MSRA: variants seen among roughly 807,000 people sequenced by gnomAD.
MSRA encodes methionine sulfoxide reductase A.
MSRA carries 54 observed loss-of-function variants against 31.3 expected under a neutral mutation model. The observed-to-expected ratio is 1.73, with a 90% CI of 1.39 to 2.17. The LOEUF (loss-of-function observed/expected upper bound fraction) is 2.17, where lower values mean the gene tolerates loss of function less well. Ranked by LOEUF, MSRA falls within the 30% of genes most tolerant of loss-of-function variation. The probability of loss-of-function intolerance (pLI) is 0.00; values close to 1 mark genes in which losing one functional copy is unlikely to be tolerated. For missense variants in MSRA, 507 were observed against 300.9 expected (o/e 1.69, Z -5.07); for synonymous variants, 169 against 116.5 (o/e 1.45, Z -2.90).
At chr8:10,393,056 C>T (rs182773975) in intron 5 of MSRA, among the ~76,000 whole-genome samples, 91 of 99,716 alleles carry the variant, frequency 9.1e-4, no homozygotes, top group Non-Finnish European at 1.6e-3. Context: ...AGCGAGACTC[C>T]GTCTCAAAAA....
chr8:10,208,562 T>C (rs1809212026), intron 2 of MSRA, among the ~76,000 whole-genome samples: 1 of 152,140 alleles, frequency 6.6e-6, no homozygotes, highest in African/African-American at 2.4e-5. Context: ...TTTGCCTGCC[T>C]TCTTTTCTCC....
chr8:10,085,646 T>C lies in MSRA; in HGVS notation c.142+30988T>C, dbSNP rs546317821. 4.6e-5 allele frequency among the ~76,000 whole-genome samples: 7 copies of C among 152,182 alleles called. No individual in the cohort carries two copies. In the South Asian group the frequency reaches 1.0e-3, roughly 23 times the overall value. On this transcript the variant is annotated intron_variant, in intron 1 of 5. Transcript: ENST00000317173. ...ATTCACCTCTTCTAAAGTAGTGGAA[T>C]TTGCTTTTTAACAAGTTTGTACAGT... is the stretch of plus-strand genomic sequence containing the variant.
chr8:10,340,148 A>C (rs1428351475), intron 5 of MSRA, among the ~76,000 whole-genome samples: 1 of 152,192 alleles, frequency 6.6e-6, no homozygotes, highest in Non-Finnish European at 1.5e-5. Flanking sequence ...CCACGGAGCC[A>C]CAGCCGCCCA....
intron 5 of MSRA, among the ~76,000 whole-genome samples, chr8:10,407,912 A>G (rs1807917572): frequency 6.6e-6 from 1 of 152,248 alleles, no homozygotes; most frequent in African/African-American, 2.4e-5. Context: ...ATTAAGGATC[A>G]CATCAATCTT....
At chr8:10,055,555 C>G (rs910879272) in intron 1 of MSRA, among the ~76,000 whole-genome samples, 1 of 152,340 alleles carries the variant, frequency 6.6e-6, no homozygotes, top group African/African-American at 2.4e-5. Flanking sequence ...ATCGGAGACT[C>G]TGGGGGTGGA....
intron 1 of MSRA, among the ~76,000 whole-genome samples, chr8:10,149,533 A>C (rs1803477020): frequency 6.6e-6 from 1 of 152,112 alleles, no homozygotes; most frequent in South Asian, 2.1e-4. Flanking sequence ...TTACATCGCC[A>C]CCTCGTGATA....
At chr8:10,083,174 C>G (rs546430791) in intron 1 of MSRA, among the ~76,000 whole-genome samples, 247 of 152,218 alleles carry the variant, frequency 1.6e-3, no homozygotes, top group African/African-American at 5.9e-3. Flanking sequence ...AGCCATATTT[C>G]CAGAGATTTT....
chr8:10,105,895 G>A (rs1412718887), intron 1 of MSRA, among the ~76,000 whole-genome samples: 1 of 152,194 alleles, frequency 6.6e-6, no homozygotes, highest in Non-Finnish European at 1.5e-5. Context: ...ACACACAGAA[G>A]ATATAGAAAC....
At chr8:10,323,097 A>AAG (rs1239206041) in intron 5 of MSRA, among the ~76,000 whole-genome samples, 1 of 151,492 alleles carries the variant, frequency 6.6e-6, no homozygotes, top group African/African-American at 2.4e-5. Context: ...CTCAAAAAAA[A>AAG]AAAAAAAAAA....
At chr8:10,325,294 A>G (rs567704891) in intron 5 of MSRA, among the ~76,000 whole-genome samples, 78 of 152,124 alleles carry the variant, frequency 5.1e-4, no homozygotes, top group Non-Finnish European at 7.6e-4. Context: ...GTGATATAAT[A>G]TGTACTTTTA....
chr8:10,085,749 G>T (rs1217993308), intron 1 of MSRA, among the ~76,000 whole-genome samples: 1 of 152,200 alleles, frequency 6.6e-6, no homozygotes, highest in Non-Finnish European at 1.5e-5. Context: ...TTTGCAGTCA[G>T]TCTGCTCACC....
chr8:10,217,135 T>C (rs1810060649), intron 2 of MSRA, among the ~76,000 whole-genome samples: 1 of 152,240 alleles, frequency 6.6e-6, no homozygotes, highest in South Asian at 2.1e-4. Context: ...TCAGTTTTAC[T>C]TACTGATTCT....
intron 5 of MSRA, among the ~76,000 whole-genome samples, chr8:10,345,794 A>G (rs964086377): frequency 2.2e-4 from 33 of 152,216 alleles, no homozygotes; most frequent in African/African-American, 8.0e-4. Context: ...GCATGAAACT[A>G]AAGGCACTAG....
At chr8:10,067,874 G>GTTTTTTTTTTTTTTTTTT (rs71203303) in intron 1 of MSRA, among the ~76,000 whole-genome samples, 3 of 49,368 alleles carry the variant, frequency 6.1e-5, no homozygotes, top group African/African-American at 1.7e-4. Context: ...TTCTTACTGA[G>GTTTTTTTTTTTTTTTTTT]TTTTTTTTTT....
intron 1 of MSRA, among the ~76,000 whole-genome samples, chr8:10,057,658 C>T (rs192411735): frequency 6.6e-6 from 1 of 152,176 alleles, no homozygotes; most frequent in East Asian, 1.9e-4. Context: ...TTGCTGTTCT[C>T]GTGAGAGTGA....
chr8:10,289,449 G>T (rs1271358170), intron 3 of MSRA, among the ~76,000 whole-genome samples: 1 of 152,106 alleles, frequency 6.6e-6, no homozygotes. Context: ...AGGATGCAGT[G>T]TGTAGGAATC....
chr8:10,134,232 T>G (rs1437041783), intron 1 of MSRA, among the ~76,000 whole-genome samples: 2 of 152,248 alleles, frequency 1.3e-5, no homozygotes, highest in African/African-American at 4.8e-5. Context: ...TTCTATTGTT[T>G]CACTGGAAGT....
intron 2 of MSRA, among the ~76,000 whole-genome samples, chr8:10,208,772 C>T (rs1336184316): frequency 2.0e-5 from 3 of 152,218 alleles, no homozygotes; most frequent in African/African-American, 7.2e-5. Flanking sequence ...TGATGTCTCT[C>T]ATCCTAAAAA....
intron 3 of MSRA, among the ~76,000 whole-genome samples, chr8:10,290,906 T>A (rs1395827016): frequency 6.6e-6 from 1 of 152,192 alleles, no homozygotes. Context: ...CCTGCCTGTT[T>A]CGCAGCAGAG....
Sources: allele counts gnomAD v4.1 joint callset (sites outside exome capture counted in the v4.1 genomes callset), GRCh38; gene constraint gnomAD v4.1.1; transcripts MANE v1.5; gene names NCBI Gene and HGNC (gene_info 2026-07-23, HGNC 2026-07-21).